CHN2: variants seen among roughly 807,000 people sequenced by gnomAD.
CHN2 encodes the protein beta-chimaerin.
Under a neutral mutation model 56.3 loss-of-function variants are expected in CHN2, and 35 were observed. That is an observed-to-expected ratio of 0.62 (90% CI 0.47 to 0.82). The LOEUF (loss-of-function observed/expected upper bound fraction) is 0.82, where lower values mean the gene tolerates loss of function less well. Ranked by LOEUF, CHN2 falls within the 40% of genes least tolerant of loss-of-function variation. CHN2 has a pLI of 0.00. For missense variants in CHN2, 491 were observed against 580.5 expected, an observed-to-expected ratio of 0.85 and a Z score of 1.58; for synonymous variants, 210 against 212.8, an observed-to-expected ratio of 0.99 and a Z score of 0.12.
chr7:29,361,208 C>T (rs1010540234), intron 2 of CHN2, among the ~76,000 whole-genome samples: 8 of 152,136 alleles, frequency 5.3e-5, no homozygotes, highest in Non-Finnish European at 8.8e-5. Flanking sequence ...CAAGAAGCAA[C>T]GTTTTCAGAT....
intron 1 of CHN2, among the ~76,000 whole-genome samples, chr7:29,229,151 G>C (rs1332434412): frequency 6.6e-6 from 1 of 152,148 alleles, no homozygotes; most frequent in Non-Finnish European, 1.5e-5. Context: ...TTGCAAGAGT[G>C]GGGTGGGGTG....
chr7:29,324,198 C>T (rs947899547), intron 1 of CHN2, among the ~76,000 whole-genome samples: 1 of 152,122 alleles, frequency 6.6e-6, no homozygotes, highest in Non-Finnish European at 1.5e-5. Context: ...TTAGGTTCTA[C>T]AATAGTGATG....
chr7:29,319,072 A>G (rs1364417254), intron 1 of CHN2, among the ~76,000 whole-genome samples: 2 of 152,152 alleles, frequency 1.3e-5, no homozygotes, highest in African/African-American at 2.4e-5. Context: ...CTAAGACGGG[A>G]ACTGAGGGAG....
At chr7:29,419,891 C>G (rs1465141708) in intron 6 of CHN2, among the ~76,000 whole-genome samples, 1 of 151,996 alleles carries the variant, frequency 6.6e-6, no homozygotes, top group Non-Finnish European at 1.5e-5. Context: ...GAAACCCCGT[C>G]TCTACTAAAA....
intron 1 of CHN2, among the ~76,000 whole-genome samples, chr7:29,205,707 T>C (rs987661930): frequency 6.6e-6 from 1 of 152,212 alleles, no homozygotes; most frequent in Admixed American, 6.5e-5. Flanking sequence ...CTCTACTCTA[T>C]GTAAAGCTCC....
chr7:29,408,189 C>CA (rs11389974), intron 6 of CHN2, among the ~76,000 whole-genome samples: 75,706 of 143,890 alleles, frequency 0.53, 19,993 homozygotes, highest in African/African-American at 0.65. Context: ...GACTCAGTAT[C>CA]AAAAAAAAAA....
At chr7:29,454,757 G>A (rs1585448075) in intron 6 of CHN2, among the ~76,000 whole-genome samples, 2 of 152,212 alleles carry the variant, frequency 1.3e-5, no homozygotes, top group East Asian at 3.9e-4. Context: ...ATGGAACAAG[G>A]AAGTGCAGTC....
chr7:29,283,491 A>C (rs994602456), intron 1 of CHN2, among the ~76,000 whole-genome samples: 1 of 152,258 alleles, frequency 6.6e-6, no homozygotes, highest in African/African-American at 2.4e-5. Context: ...ATTATACAGC[A>C]AGGATAAAGA....
intron 4 of CHN2, chr7:29,396,963 G>A (rs1801805546): frequency 6.6e-6 from 1 of 152,314 alleles, no homozygotes; most frequent in African/African-American, 2.4e-5. Context: ...GACCCCCTGA[G>A]ACTGGGCTCT....
chr7:29,329,206 C>G (rs1465025841), intron 1 of CHN2, among the ~76,000 whole-genome samples: 2 of 151,852 alleles, frequency 1.3e-5, no homozygotes, highest in African/African-American at 4.8e-5. Flanking sequence ...GATCATTAGC[C>G]CAACCCAAGA....
In CHN2 at chr7:29,155,282, A is replaced by G. The variant is rs566002558; in HGVS notation, c.274+8322A>G. Among the ~76,000 whole-genome samples, 4 of 152,336 alleles carry G rather than the reference A, an allele frequency of 2.6e-5. No individual in the cohort carries two copies. The South Asian group carries it at 8.3e-4, about 32-fold the overall frequency. ...CAGGGAAAACAACTACATTTTAACA[A>G]CATAAGTTAAAAAGCCATTATCAAA... On this transcript the variant is annotated intron_variant, in intron 2 of 6. Coordinates refer to the CHN2 transcript ENST00000439384.
intron 1 of CHN2, among the ~76,000 whole-genome samples, chr7:29,291,329 A>G (rs529246049): frequency 2.0e-5 from 3 of 152,072 alleles, no homozygotes; most frequent in African/African-American, 7.2e-5. Context: ...TATTTAAGAG[A>G]CAGATTAACA....
rs544891634 is a variant in CHN2, at chr7:29,325,140, T to G, written c.50-29485T>G. Among the ~76,000 whole-genome samples the G allele has an allele frequency of 4.6e-5, 7 of 152,334 alleles. No homozygotes were observed. The South Asian group carries it at 1.4e-3, about 32-fold the overall frequency. ...ATTTCTAGCTGAGCCACCTGTACCTTTGAGAATTCTCCCTTTCTCCCTTTT... is the reference window on the plus strand; with the variant it reads ...ATTTCTAGCTGAGCCACCTGTACCTGTGAGAATTCTCCCTTTCTCCCTTTT... On this transcript the variant is annotated intron_variant, in intron 1 of 12. Coordinates refer to ENST00000222792, the MANE Select transcript of CHN2 (RefSeq NM_004067.4).
chr7:29,334,793 A>T (rs1298764492), intron 1 of CHN2, among the ~76,000 whole-genome samples: 1 of 152,180 alleles, frequency 6.6e-6, no homozygotes, highest in Non-Finnish European at 1.5e-5. Flanking sequence ...AGGAAGTTTC[A>T]TGCTTGTCGT....
chr7:29,240,748 T>TGTGGTGTTGCA (rs61378092), intron 1 of CHN2, among the ~76,000 whole-genome samples: 18,576 of 151,784 alleles, frequency 0.12, 2,680 homozygotes, highest in African/African-American at 0.35. Flanking sequence ...TCAAACAAGG[T>TGTGGTGTTGCA]GTGGTGTTGC....
chr7:29,332,856 G>C (rs1796326540), intron 1 of CHN2: 1 of 151,664 alleles, frequency 6.6e-6, no homozygotes, highest in Non-Finnish European at 1.5e-5. Context: ...ACTTATGATG[G>C]GGTTATGTGG....
At chr7:29,500,784 TC>T (rs1789878489) in intron 9 of CHN2, among the ~76,000 whole-genome samples, 1 of 152,196 alleles carries the variant, frequency 6.6e-6, no homozygotes, top group Admixed American at 6.5e-5. Flanking sequence ...CTAATATTCA[TC>T]GTTTATTTCG....
intron 1 of CHN2, among the ~76,000 whole-genome samples, chr7:29,299,484 T>G (rs1377967562): frequency 6.6e-6 from 1 of 152,152 alleles, no homozygotes; most frequent in African/African-American, 2.4e-5. Context: ...AAATTTTTGC[T>G]CACTGTATCC....
chr7:29,184,203 G>A (rs1047047068), intron 2 of CHN2, among the ~76,000 whole-genome samples: 38 of 138,188 alleles, frequency 2.7e-4, no homozygotes, highest in African/African-American at 9.7e-4. Flanking sequence ...ATAGATAAAA[G>A]AGATATTTAT....
Sources: allele counts gnomAD v4.1 joint callset (sites outside exome capture counted in the v4.1 genomes callset), GRCh38; gene constraint gnomAD v4.1.1; transcripts MANE v1.5; gene names NCBI Gene and HGNC (gene_info 2026-07-23, HGNC 2026-07-21).